The following SLC22A15 variants were observed in gnomAD, a reference collection of about 807,000 sequenced individuals.
The protein encoded by SLC22A15 is flipt 1.
Under a neutral mutation model 62.7 loss-of-function variants are expected in SLC22A15, and 45 were observed. That is an observed-to-expected ratio of 0.72 (90% CI 0.56 to 0.92). The LOEUF is 0.92. Among genes scored for constraint, SLC22A15 ranks in the 40% least tolerant of loss-of-function variants. The pLI is 0.00. For synonymous variants in SLC22A15, 264 were observed against 267.0 expected (o/e 0.99, Z 0.11); for missense variants, 622 against 665.6 (o/e 0.93, Z 0.72).
chr1:116,005,540 G>A (rs865909267), intron 2 of SLC22A15, among the ~76,000 whole-genome samples: 2 of 152,132 alleles, frequency 1.3e-5, no homozygotes, highest in South Asian at 4.1e-4. Context: ...TGTAATCAAA[G>A]TAGCACATAA....
intron 2 of SLC22A15, among the ~76,000 whole-genome samples, chr1:116,005,682 C>T (rs1215883208): frequency 1.3e-5 from 2 of 152,118 alleles, no homozygotes; most frequent in Non-Finnish European, 2.9e-5. Flanking sequence ...ACCACTCCTA[C>T]TCCCAACCTC....
chr1:116,059,907 G>A (rs1332865279), intron 8 of SLC22A15, among the ~76,000 whole-genome samples: 3 of 152,172 alleles, frequency 2.0e-5, no homozygotes, highest in Non-Finnish European at 2.9e-5. Context: ...TGTAGTAGTC[G>A]CATCATTGGA....
At chr1:115,980,406 C>T (rs960149332) in intron 1 of SLC22A15, among the ~76,000 whole-genome samples, 6 of 152,022 alleles carry the variant, frequency 3.9e-5, no homozygotes, top group Non-Finnish European at 7.4e-5. Flanking sequence ...GCAACACTGT[C>T]TATTATAACA....
In SLC22A15 at chr1:116,004,345, G is replaced by T. The variant is rs1461655606; in HGVS notation, c.300+12102G>T. ...TCCTGTGGGGAGGATGACTGCTGGA[G>T]TGTTCTAGTCGGCCATCTTGCTCTT... On this transcript the variant is annotated intron_variant, in intron 2 of 11. Transcript: ENST00000369503. 2.0e-5 allele frequency among the ~76,000 whole-genome samples: 3 copies of T among 152,268 alleles called. No individual in the cohort carries two copies. The East Asian group carries it at 5.8e-4, about 29-fold the overall frequency.
At chr1:116,001,223 AT>A (rs921176866) in intron 2 of SLC22A15, among the ~76,000 whole-genome samples, 3 of 150,818 alleles carry the variant, frequency 2.0e-5, no homozygotes, top group South Asian at 2.1e-4. Flanking sequence ...TTTATATGTA[AT>A]TTTTTTTTCT....
At chr1:116,002,425 A>G (rs191487985) in intron 2 of SLC22A15, among the ~76,000 whole-genome samples, 16 of 152,246 alleles carry the variant, frequency 1.1e-4, no homozygotes, top group African/African-American at 3.6e-4. Context: ...ATCTTTTCCC[A>G]TAAGAGCAGC....
chr1:116,057,133 G>C (rs1408086247), intron 8 of SLC22A15, among the ~76,000 whole-genome samples: 1 of 151,814 alleles, frequency 6.6e-6, no homozygotes, highest in East Asian at 1.9e-4. Flanking sequence ...TACAAAATGG[G>C]AGAAAATTTT....
chr1:116,066,428 C>A, intron 10 of SLC22A15, 92 bp from the exon 11 acceptor site: 1 of 1,203,912 alleles, frequency 8.3e-7, no homozygotes, highest in Non-Finnish European at 1.1e-6. Context: ...AGGTGGTAAA[C>A]ATGACAGTTT....
chr1:116,009,972 C>T (rs1656172277), intron 2 of SLC22A15, among the ~76,000 whole-genome samples: 1 of 152,188 alleles, frequency 6.6e-6, no homozygotes, highest in African/African-American at 2.4e-5. Flanking sequence ...CCTTATTACA[C>T]TTGGGTCAGG....
intron 2 of SLC22A15, among the ~76,000 whole-genome samples, chr1:116,005,912 T>C (rs925429337): frequency 2.0e-5 from 3 of 152,216 alleles, no homozygotes; most frequent in African/African-American, 7.2e-5. Context: ...ACTTTTGGTA[T>C]TCATTATTAC....
At chr1:116,054,326 A>C (rs1339739475) in intron 8 of SLC22A15, among the ~76,000 whole-genome samples, 7 of 151,836 alleles carry the variant, frequency 4.6e-5, no homozygotes, top group African/African-American at 1.7e-4. Flanking sequence ...ACATAATGGT[A>C]AAGGGATCAA....
At position 116,020,558 on chromosome 1, in the gene SLC22A15, AAAAAAAAC is replaced by A. The variant is rs970794257; in HGVS notation, c.434-147_434-140del. Among the ~76,000 whole-genome samples the A allele has an allele frequency of 3.3e-5, 5 of 151,850 alleles. No homozygotes were observed. In the South Asian group the frequency reaches 6.2e-4, roughly 19 times the overall value. On this transcript the variant is annotated intron_variant, in intron 3 of 11. Coordinates refer to ENST00000369503, the MANE Select transcript of SLC22A15 (RefSeq NM_018420.3). ...GTGACAGAGCGAGACTCCATCTCAAAAAAAAAACAAAAAAACAAAAAAAAACAAAAAGA... is the reference window on the plus strand; with the variant it reads ...GTGACAGAGCGAGACTCCATCTCAAAAAAAAAACAAAAAAAAACAAAAAGA...
At chr1:116,058,874 A>C (rs965583405) in intron 8 of SLC22A15, among the ~76,000 whole-genome samples, 1 of 152,184 alleles carries the variant, frequency 6.6e-6, no homozygotes, top group Non-Finnish European at 1.5e-5. Flanking sequence ...TGGAAAACCA[A>C]ACATCGTATG....
chr1:116,058,781 G>A (rs1213570145), intron 8 of SLC22A15, among the ~76,000 whole-genome samples: 1 of 152,180 alleles, frequency 6.6e-6, no homozygotes, highest in Non-Finnish European at 1.5e-5. Context: ...ATACTACTCA[G>A]CCATAAAAAG....
At chr1:115,997,311 A>G (rs1655478807) in intron 2 of SLC22A15, among the ~76,000 whole-genome samples, 1 of 152,110 alleles carries the variant, frequency 6.6e-6, no homozygotes, top group South Asian at 2.1e-4. Context: ...TATAAATTTT[A>G]GAATGATTTT....
chr1:116,051,418 C>G (rs1381280780), intron 8 of SLC22A15, among the ~76,000 whole-genome samples: 1 of 152,178 alleles, frequency 6.6e-6, no homozygotes, highest in East Asian at 1.9e-4. Flanking sequence ...CAAATACTTA[C>G]AGCCAACTGA....
chr1:116,057,219 A>C (rs1411122777), intron 8 of SLC22A15, among the ~76,000 whole-genome samples: 2 of 151,940 alleles, frequency 1.3e-5, no homozygotes, highest in Non-Finnish European at 2.9e-5. Context: ...AGAAAAAAAC[A>C]AACAACCCCA....
intron 1 of SLC22A15, among the ~76,000 whole-genome samples, chr1:115,985,137 TC>T (rs1401415634): frequency 2.6e-5 from 4 of 152,296 alleles, no homozygotes; most frequent in Non-Finnish European, 4.4e-5. Context: ...CAGGGCAACT[TC>T]CAGTCCCGCA....
Position 116,062,900 on chromosome 1 carries a change from C to G in SLC22A15, c.1292+18C>G. ...GTCATCAGGTACGTGTCTCACACAGCCTCATTCTTCACACATTCTACACTT... is the reference window on the plus strand; with the variant it reads ...GTCATCAGGTACGTGTCTCACACAGGCTCATTCTTCACACATTCTACACTT... On this transcript the variant is annotated intron_variant, in intron 9 of 11. Transcript: ENST00000369503. The G allele has an allele frequency of 6.2e-7, 1 of 1,612,030 alleles. No individual in the cohort carries two copies. The highest frequency in any genetic ancestry group is 8.5e-7 in the Non-Finnish European group (1 of 1,178,648).
Sources: allele counts gnomAD v4.1 joint callset (sites outside exome capture counted in the v4.1 genomes callset), GRCh38; gene constraint gnomAD v4.1.1; transcripts MANE v1.5; gene names NCBI Gene and HGNC (gene_info 2026-07-23, HGNC 2026-07-21).